Variants in TESK2 observed in about 807,000 individuals in gnomAD.
TESK2 encodes dual specificity testis-specific protein kinase 2.
In TESK2, 39 loss-of-function variants were observed where a neutral mutation model predicts 57.1. The observed-to-expected ratio is 0.68, with a 90% CI of 0.53 to 0.89. The LOEUF (loss-of-function observed/expected upper bound fraction) is 0.89, where lower values mean the gene tolerates loss of function less well. Ranked by LOEUF, TESK2 falls within the 40% of genes least tolerant of loss-of-function variation. The pLI, the probability that TESK2 is intolerant of heterozygous loss-of-function variation, is 0.00. For missense variants in TESK2, 646 were observed against 732.1 expected (o/e 0.88, Z 1.36); for synonymous variants, 249 against 267.9 (o/e 0.93, Z 0.69).
chr1:45,425,480 C>T (rs11211108), intron 2 of TESK2, among the ~76,000 whole-genome samples: 38,417 of 151,848 alleles, frequency 0.25, 4,975 homozygotes, highest in East Asian at 0.36. Context: ...TAGTGAGACA[C>T]TATCTCTACA....
intron 3 of TESK2, among the ~76,000 whole-genome samples, chr1:45,397,644 GCCTGCAGGCTCTGAGGCCACAGGCACCA>G (rs1314421454): frequency 3.9e-5 from 6 of 151,928 alleles, no homozygotes; most frequent in Admixed American, 2.0e-4. Flanking sequence ...AGCCAGCACC[GCCTGCAGGCTCTGAGGCCACAGGCACCA>G]CCTGCATTCT....
chr1:45,467,605 C>T (rs536254189), intron 1 of TESK2, among the ~76,000 whole-genome samples: 2 of 151,416 alleles, frequency 1.3e-5, no homozygotes, highest in Admixed American at 6.6e-5. Context: ...TCTGAGATTA[C>T]AGGCATGAGC....
intron 1 of TESK2, among the ~76,000 whole-genome samples, chr1:45,489,557 AG>A (rs1570786559): frequency 1.3e-5 from 2 of 152,324 alleles, no homozygotes; most frequent in East Asian, 3.9e-4. Context: ...TGGGAGGCCG[AG>A]GTGGGCGGAT....
Position 45,344,876 on chromosome 1 carries a change from G to A in TESK2, c.1680C>T (p.Gly560=). The A allele has an allele frequency of 1.2e-6, 2 of 1,613,578 alleles. No homozygotes were observed. Among genetic ancestry groups the A allele is most frequent in the Non-Finnish European group, 1.7e-6 (2 of 1,180,026 alleles). The part of the protein sequence containing the change: ...GSTPATFSTS[G]IGLQTQGKQD... ...GCTTTCCCTGGGTTTGCAGGCCTAT[G>A]CCTGAGGTGGAGAAGGTGGCTGGAG... The change falls in exon 11 of 11, where the codon GGC becomes GGT. Residue 560 remains glycine (G), a synonymous_variant. Transcript: ENST00000372086.
chr1:45,345,799 C>T (rs1647134307), intron 10 of TESK2, 78 bp downstream of exon 10: 4 of 1,228,104 alleles, frequency 3.3e-6, no homozygotes, highest in Non-Finnish European at 4.7e-6. Flanking sequence ...CTGGCAATCA[C>T]AACCCTAAGA....
intron 4 of TESK2, among the ~76,000 whole-genome samples, chr1:45,378,512 A>T (rs1364244452): frequency 1.3e-5 from 2 of 152,216 alleles, no homozygotes; most frequent in Non-Finnish European, 2.9e-5. Flanking sequence ...ACCATGTGGA[A>T]AAAGAGAAGA....
Position 45,345,153 on chromosome 1 carries a change from GC to G in TESK2, c.1402del (p.Ala468LeufsTer19). On this transcript the variant is annotated frameshift_variant, in exon 11 of 11. Transcript: ENST00000372086. LOFTEE classifies it high-confidence loss of function. The stretch of plus-strand genomic sequence containing the variant: ...TTCTTCCCGGCCCACAAATGGACAA[GC>G]CTCTTGATGCAAGAACTCAGGCGAA... ...PGSPEFLHQE[A>X]CPFVGREESL... 1 of 1,614,200 alleles carries G rather than the reference GC, an allele frequency of 6.2e-7. No individual in the cohort carries two copies. Among genetic ancestry groups the G allele is most frequent in the Non-Finnish European group, 8.5e-7 (1 of 1,180,038 alleles).
intron 2 of TESK2, among the ~76,000 whole-genome samples, chr1:45,422,759 T>TGTTGTTGTTGTTGTTGTTG (rs1553152259): frequency 8.2e-5 from 12 of 146,888 alleles, no homozygotes; most frequent in African/African-American, 3.0e-4. Flanking sequence ...TGTCTGGTTT[T>TGTTGTTGTTGTTGTTGTTG]TTGTTGTTGT....
Position 45,345,487 on chromosome 1 carries a change from ATGG to A in TESK2, c.1066_1068del (p.Pro356del). The A allele has an allele frequency of 6.2e-7, 1 of 1,614,158 alleles. No homozygotes were observed. On this transcript the variant is annotated inframe_deletion, in exon 11 of 11. Transcript: ENST00000372086. ...GACAGCCAGATGGTACGTCTTGGGCATGGTGACTTGTGGGGGATCTTGTCATCC... is the reference window on the plus strand; with the variant it reads ...GACAGCCAGATGGTACGTCTTGGGCATGACTTGTGGGGGATCTTGTCATCC...
intron 5 of TESK2, 138 bp from the exon 6 acceptor site, chr1:45,348,138 C>T (rs1647172839): frequency 4.5e-6 from 3 of 671,178 alleles, no homozygotes; most frequent in Non-Finnish European, 5.4e-6. Flanking sequence ...AAGCTGACCC[C>T]ACTGGTCAGG....
intron 2 of TESK2, among the ~76,000 whole-genome samples, chr1:45,422,759 T>TTTTTTGTTGTTGTTGTTGTTGTTGTTG (rs1553152260): frequency 3.5e-4 from 52 of 147,010 alleles, no homozygotes; most frequent in South Asian, 9.0e-4. Context: ...TGTCTGGTTT[T>TTTTTTGTTGTTGTTGTTGTTGTTGTTG]TTGTTGTTGT....
At chr1:45,446,182 T>TTA (rs1318990826) in intron 2 of TESK2, among the ~76,000 whole-genome samples, 3 of 151,488 alleles carry the variant, frequency 2.0e-5, no homozygotes, top group Non-Finnish European at 2.9e-5. Context: ...TTTTTTTTTT[T>TTA]AGACAGGGTC....
At chr1:45,482,266 C>T (rs1007376539) in intron 1 of TESK2, among the ~76,000 whole-genome samples, 1 of 152,186 alleles carries the variant, frequency 6.6e-6, no homozygotes, top group African/African-American at 2.4e-5. Flanking sequence ...GTGGCTCACA[C>T]TTGTGATCTC....
intron 1 of TESK2, among the ~76,000 whole-genome samples, chr1:45,486,073 G>C (rs188227868): frequency 1.6e-4 from 24 of 152,228 alleles, no homozygotes; most frequent in African/African-American, 5.5e-4. Context: ...TTACAACCAG[G>C]CTTTTCTCTG....
intron 3 of TESK2, among the ~76,000 whole-genome samples, chr1:45,416,790 A>ATT: frequency 7.5e-6 from 1 of 133,526 alleles, no homozygotes; most frequent in African/African-American, 2.7e-5. Context: ...TTCTCTCCAC[A>ATT]TTTTTTTTTT....
chr1:45,465,219 G>C (rs1321817849), intron 1 of TESK2, among the ~76,000 whole-genome samples: 1 of 151,730 alleles, frequency 6.6e-6, no homozygotes, highest in Non-Finnish European at 1.5e-5. Context: ...CTGGGAGATA[G>C]AGCAAGACTC....
At chr1:45,351,812 T>C (rs1346718579) in intron 5 of TESK2, among the ~76,000 whole-genome samples, 2 of 138,284 alleles carry the variant, frequency 1.4e-5, no homozygotes, top group Non-Finnish European at 3.1e-5. Context: ...CCTTCGCCCT[T>C]CCCTGAAATA....
intron 8 of TESK2, 68 bp downstream of exon 8, chr1:45,346,911 G>C: frequency 6.3e-7 from 1 of 1,578,524 alleles, no homozygotes; most frequent in Non-Finnish European, 8.7e-7. Flanking sequence ...TCCATCCCAG[G>C]GACAGAACAG....
At chr1:45,365,458 C>A (rs1419265317) in intron 4 of TESK2, among the ~76,000 whole-genome samples, 2 of 152,034 alleles carry the variant, frequency 1.3e-5, no homozygotes, top group Non-Finnish European at 2.9e-5. Context: ...GCTGAATACC[C>A]TTCTTCATAG....
Sources: allele counts gnomAD v4.1 joint callset (sites outside exome capture counted in the v4.1 genomes callset), GRCh38; gene constraint gnomAD v4.1.1; transcripts MANE v1.5; gene names NCBI Gene and HGNC (gene_info 2026-07-23, HGNC 2026-07-21).